ABTB3: variants seen among roughly 807,000 people sequenced by gnomAD.
ABTB3 encodes ankyrin repeat- and BTB/POZ domain-containing protein 3.
At chr12:107,459,195 G>A in the ABTB3 span, among the ~76,000 whole-genome samples, 2 of 152,284 alleles carry the variant, frequency 1.3e-5, no homozygotes, top group African/African-American at 4.8e-5. Context: ...AGGAAACTGA[G>A]GCCCAGAGAC....
At chr12:107,499,690 CTT>C in the ABTB3 span, among the ~76,000 whole-genome samples, 4 of 143,316 alleles carry the variant, frequency 2.8e-5, no homozygotes, top group Admixed American at 6.9e-5. Flanking sequence ...TTTTTCTTTT[CTT>C]TTTTTTTTTT....
the ABTB3 span, among the ~76,000 whole-genome samples, chr12:107,448,639 T>G: frequency 6.7e-6 from 1 of 148,822 alleles, no homozygotes; most frequent in Admixed American, 6.6e-5. Flanking sequence ...CTTTCTTTCT[T>G]TCTTTCTTTT....
the ABTB3 span, among the ~76,000 whole-genome samples, chr12:107,538,934 G>T: frequency 4.1e-4 from 62 of 152,234 alleles, 3 homozygotes; most frequent in Admixed American, 4.1e-3. Flanking sequence ...CTCAAAACTG[G>T]GTTCTAGATT....
chr12:107,450,843 G>T, the ABTB3 span, among the ~76,000 whole-genome samples: 1 of 152,078 alleles, frequency 6.6e-6, no homozygotes, highest in South Asian at 2.1e-4. Flanking sequence ...CTCCTTTGCG[G>T]GTCTCTCTGG....
chr12:107,540,654 A>C, the ABTB3 span, among the ~76,000 whole-genome samples: 9 of 151,986 alleles, frequency 5.9e-5, no homozygotes, highest in Non-Finnish European at 1.5e-5. Flanking sequence ...GATAACATAG[A>C]GCTTTCCTTT....
chr12:107,657,437 C>A, the ABTB3 span: 1 of 1,291,728 alleles, frequency 7.7e-7, no homozygotes, highest in Non-Finnish European at 1.1e-6. Flanking sequence ...CCATCATTAG[C>A]TCTGAAGGCA....
At chr12:107,641,985 CA>C in the ABTB3 span, 7 of 1,029,972 alleles carry the variant, frequency 6.8e-6, no homozygotes, top group African/African-American at 1.6e-5. Context: ...TTCAGATTTG[CA>C]GGGGAAGAAA....
chr12:107,368,416 T>A, the ABTB3 span, among the ~76,000 whole-genome samples: 3 of 152,238 alleles, frequency 2.0e-5, no homozygotes, highest in Admixed American at 6.5e-5. Flanking sequence ...ACGGAGACAC[T>A]GGAAATATTT....
At chr12:107,454,483 C>A in the ABTB3 span, among the ~76,000 whole-genome samples, 3 of 152,212 alleles carry the variant, frequency 2.0e-5, no homozygotes, top group African/African-American at 7.2e-5. Flanking sequence ...TGATGCAGAA[C>A]TTTCCATAGA....
chr12:107,484,876 C>A, the ABTB3 span, among the ~76,000 whole-genome samples: 1 of 152,002 alleles, frequency 6.6e-6, no homozygotes, highest in Non-Finnish European at 1.5e-5. Context: ...TTGGCCTGAG[C>A]CCTGGAAGGA....
At chr12:107,319,584 G>A in the ABTB3 span, 1 of 1,538,884 alleles carries the variant, frequency 6.5e-7, no homozygotes, top group South Asian at 1.2e-5. Flanking sequence ...TCCGTGGGCC[G>A]CGTGTATCGC....
the ABTB3 span, among the ~76,000 whole-genome samples, chr12:107,476,079 T>C: frequency 6.6e-6 from 1 of 152,336 alleles, no homozygotes; most frequent in Middle Eastern, 3.4e-3. Context: ...CTGATTTGCT[T>C]ATTTTGCAGC....
the ABTB3 span, among the ~76,000 whole-genome samples, chr12:107,468,764 C>G: frequency 3.9e-5 from 6 of 152,112 alleles, no homozygotes; most frequent in Non-Finnish European, 7.4e-5. Flanking sequence ...AATACTATAA[C>G]TTCTGATGAT....
At chr12:107,428,493 T>A in the ABTB3 span, among the ~76,000 whole-genome samples, 1 of 152,092 alleles carries the variant, frequency 6.6e-6, no homozygotes, top group Admixed American at 6.5e-5. Flanking sequence ...AGTTAAGGAA[T>A]AAACATCCCA....
At chr12:107,510,069 C>G in the ABTB3 span, among the ~76,000 whole-genome samples, 1 of 152,194 alleles carries the variant, frequency 6.6e-6, no homozygotes, top group Non-Finnish European at 1.5e-5. Flanking sequence ...GAAGCCAAGT[C>G]AAGAGCCCTA....
chr12:107,594,714 AG>A, the ABTB3 span, among the ~76,000 whole-genome samples: 1 of 152,056 alleles, frequency 6.6e-6, no homozygotes, highest in African/African-American at 2.4e-5. Context: ...TGTGTTGAGG[AG>A]GGGGGCCAGT....
the ABTB3 span, among the ~76,000 whole-genome samples, chr12:107,621,361 G>A: frequency 6.6e-6 from 1 of 152,120 alleles, no homozygotes; most frequent in Non-Finnish European, 1.5e-5. Flanking sequence ...CTCCCCACCT[G>A]ACTTAAAAAT....
At chr12:107,522,266 A>G in the ABTB3 span, among the ~76,000 whole-genome samples, 4 of 152,202 alleles carry the variant, frequency 2.6e-5, no homozygotes, top group Non-Finnish European at 5.9e-5. Context: ...ATTTGGGGTG[A>G]CAGACATTCA....
the ABTB3 span, among the ~76,000 whole-genome samples, chr12:107,622,038 C>G: frequency 1.3e-5 from 2 of 152,090 alleles, no homozygotes; most frequent in Middle Eastern, 3.4e-3. Context: ...CCCAGGAGTT[C>G]GAGATTAGCC....
Sources: gnomAD v4.1 joint callset for allele counts (sites outside exome capture counted in the v4.1 genomes callset) on GRCh38, gnomAD v4.1.1 for gene constraint, MANE v1.5 for transcripts, NCBI Gene and HGNC (gene_info 2026-07-23, HGNC 2026-07-21) for gene names.